ZNF567: variants seen among roughly 807,000 people sequenced by gnomAD.
The protein encoded by ZNF567 is zinc finger protein 567.
In ZNF567, 36 loss-of-function variants were observed where a neutral mutation model predicts 53.9. The observed-to-expected ratio is 0.67, with a 90% CI of 0.51 to 0.88. ZNF567 has a LOEUF of 0.88. ZNF567 is among the 40% of genes least tolerant of loss of function. The pLI, the probability that ZNF567 is intolerant of heterozygous loss-of-function variation, is 0.00. For missense variants in ZNF567, 619 were observed against 764.7 expected (o/e 0.81, Z 2.25); for synonymous variants, 224 against 260.4 (o/e 0.86, Z 1.35).
the ZNF567 span, among the ~76,000 whole-genome samples, chr19:36,674,713 A>G: frequency 2.6e-5 from 4 of 152,134 alleles, no homozygotes; most frequent in African/African-American, 9.7e-5. Context: ...AATTCATCAC[A>G]TAGTATTTAG....
At chr19:36,704,479 A>G (rs2039390897) in intron 3 of ZNF567, among the ~76,000 whole-genome samples, 2 of 152,124 alleles carry the variant, frequency 1.3e-5, no homozygotes, top group Admixed American at 6.6e-5. Context: ...TTCACATTAT[A>G]TGGCTTTTTT....
At chr19:36,696,508 C>T (rs1385580192) in intron 3 of ZNF567, among the ~76,000 whole-genome samples, 1 of 152,180 alleles carries the variant, frequency 6.6e-6, no homozygotes, top group Non-Finnish European at 1.5e-5. Context: ...TCTGCCCATC[C>T]TATCCTTTTG....
At chr19:36,675,848 CAAACAA>C in the ZNF567 span, among the ~76,000 whole-genome samples, 3 of 151,824 alleles carry the variant, frequency 2.0e-5, no homozygotes, top group Non-Finnish European at 4.4e-5. Flanking sequence ...GACTCTGTCT[CAAACAA>C]AAACAAAAAC....
intron 3 of ZNF567, among the ~76,000 whole-genome samples, chr19:36,701,418 T>A (rs1449059644): frequency 1.3e-5 from 2 of 150,710 alleles, no homozygotes; most frequent in African/African-American, 4.9e-5. Context: ...GGGTGGAGAG[T>A]TCTGTAGATG....
intron 3 of ZNF567, among the ~76,000 whole-genome samples, chr19:36,696,164 G>A (rs906251800): frequency 2.0e-5 from 3 of 152,106 alleles, no homozygotes; most frequent in African/African-American, 4.8e-5. Context: ...TGTATAGACT[G>A]CCATACTAAA....
Position 36,719,615 on chromosome 19 carries a change from T to C in ZNF567, c.891T>C (p.Ile297=). The part of the protein sequence containing the change: ...GNAFRRKSYL[I]DHQRTHTGEK... The stretch of plus-strand genomic sequence containing the variant: ...CATTTAGAAGGAAATCATATCTCAT[T>C]GATCATCAGAGAACTCACACAGGAG... Residue 297 remains isoleucine, a synonymous_variant, in exon 6 of 6, where the codon ATT becomes ATC. Coordinates refer to ENST00000682579, the MANE Select transcript of ZNF567 (RefSeq NM_001322917.1). 6.2e-7 allele frequency: 1 copy of C among 1,614,006 alleles called. No individual in the cohort carries two copies. The highest frequency in any genetic ancestry group is 2.2e-5 in the East Asian group (1 of 44,874).
chr19:36,677,458 CAAAAAAAA>C, the ZNF567 span, among the ~76,000 whole-genome samples: 24 of 50,908 alleles, frequency 4.7e-4, no homozygotes, highest in African/African-American at 6.6e-4. Flanking sequence ...GACTCTGTCT[CAAAAAAAA>C]AAAAAAAAAA....
intron 3 of ZNF567, among the ~76,000 whole-genome samples, chr19:36,705,088 T>C (rs917060780): frequency 3.3e-5 from 5 of 152,226 alleles, no homozygotes; most frequent in Admixed American, 2.0e-4. Flanking sequence ...TCTCACTTTT[T>C]CCCCTGGTTC....
chr19:36,682,359 GT>G, the ZNF567 span, among the ~76,000 whole-genome samples: 1 of 149,922 alleles, frequency 6.7e-6, no homozygotes, highest in Non-Finnish European at 1.5e-5. Flanking sequence ...TTATCTATAT[GT>G]ATCTATATAC....
At chr19:36,691,082 A>C (rs889504031) in intron 2 of ZNF567, among the ~76,000 whole-genome samples, 1 of 152,230 alleles carries the variant, frequency 6.6e-6, no homozygotes, top group African/African-American at 2.4e-5. Flanking sequence ...AGTATTATGC[A>C]GCCATGAAAA....
At chr19:36,725,770 T>TG (rs2040333268), downstream of ZNF567, among the ~76,000 whole-genome samples, 1 of 152,148 alleles carries the variant, frequency 6.6e-6, no homozygotes, top group African/African-American at 2.4e-5. Flanking sequence ...CACCTCAGCT[T>TG]CCTGAGTAGC....
At chr19:36,689,236 AGTGTGTGTGTGTGTGTGTGTGTGTGT>A in intron 1 of ZNF567, among the ~76,000 whole-genome samples, 135 bp from the exon 2 acceptor site, 1 of 138,966 alleles carries the variant, frequency 7.2e-6, no homozygotes, top group East Asian at 2.2e-4. Context: ...CCTATTTGAG[AGTGTGTGTGTGTGTGTGTGTGTGTGT>A]GTGTGTGTGT....
the ZNF567 span, among the ~76,000 whole-genome samples, chr19:36,677,265 C>T: frequency 1.3e-5 from 2 of 148,860 alleles, no homozygotes; most frequent in Non-Finnish European, 3.0e-5. Context: ...CGAGACTAGC[C>T]TGGCCAACAT....
downstream of ZNF567, among the ~76,000 whole-genome samples, chr19:36,724,284 G>A (rs1043883308): frequency 1.3e-5 from 2 of 151,812 alleles, no homozygotes; most frequent in African/African-American, 4.8e-5. Context: ...GGGATTACAG[G>A]CGTGAGCCAC....
chr19:36,712,171 C>T (rs1309800350), intron 3 of ZNF567: 4 of 426,894 alleles, frequency 9.4e-6, no homozygotes, highest in African/African-American at 8.2e-5. Flanking sequence ...CTCAGCCTCC[C>T]ATGTAACTGG....
downstream of ZNF567, among the ~76,000 whole-genome samples, chr19:36,724,140 G>A (rs1287947645): frequency 1.3e-5 from 2 of 150,756 alleles, no homozygotes; most frequent in Non-Finnish European, 1.5e-5. Flanking sequence ...CCGAGTAGCT[G>A]GGATTACAGG....
chr19:36,708,705 A>G (rs1366221335), intron 3 of ZNF567, among the ~76,000 whole-genome samples: 1 of 152,210 alleles, frequency 6.6e-6, no homozygotes, highest in Non-Finnish European at 1.5e-5. Context: ...GCAGAATGCC[A>G]TTTGGTTAGA....
rs1043909405 is a variant in ZNF567 at position 36,700,758 on chromosome 19, C to T, written c.9+5882C>T. Among the ~76,000 whole-genome samples the T allele has an allele frequency of 4.6e-5, 7 of 152,186 alleles. No homozygotes were observed. The East Asian group carries it at 5.8e-4, about 13-fold the overall frequency. ...ATGGTAGTTTGTATTTCTGTGGGAT[C>T]GGTGGTGATATCCCATTTATCATCT... is the stretch of plus-strand genomic sequence containing the variant. On this transcript the variant is annotated intron_variant, in intron 3 of 5. Transcript: ENST00000682579.
At chr19:36,668,239 C>G in the ZNF567 span, 2 of 152,368 alleles carry the variant, frequency 1.3e-5, no homozygotes, top group African/African-American at 4.8e-5. Flanking sequence ...AGCCACCGCG[C>G]TGGGTGGTGA....
Sources: gnomAD v4.1 joint callset for allele counts (sites outside exome capture counted in the v4.1 genomes callset) on GRCh38, gnomAD v4.1.1 for gene constraint, MANE v1.5 for transcripts, NCBI Gene and HGNC (gene_info 2026-07-23, HGNC 2026-07-21) for gene names.